Variants in DEGS2 observed in about 807,000 individuals in gnomAD.
The protein encoded by DEGS2 is delta 4-desaturase, sphingolipid 2.
Under a neutral mutation model 23.8 loss-of-function variants are expected in DEGS2, and 19 were observed. The ratio of observed to expected loss-of-function variants is 0.80; its 90% CI spans 0.56 to 1.17. The LOEUF is 1.17. DEGS2 is among the 50% of genes most tolerant of loss of function. DEGS2 has a pLI of 0.00. For missense variants in DEGS2, 390 were observed against 459.5 expected (o/e 0.85, Z 1.38); for synonymous variants, 218 against 213.7 (o/e 1.02, Z -0.18).
rs368503045 is a variant in DEGS2 at position 100,149,205 on chromosome 14, G to A, written c.588C>T (p.Ala196=). ...CCCAAAGGGCAAAGATGGCCAGGTC[G>A]GCCGCCAGCTGCACCAGCGTGTTGA... is the stretch of plus-strand genomic sequence containing the variant. ...EVLNTLVQLA[A]DLAIFALWGL... The change falls in exon 2 of 3, where the codon GCC becomes GCT. Residue 196 remains alanine, a synonymous_variant. Coordinates refer to ENST00000305631, the MANE Select transcript of DEGS2 (RefSeq NM_206918.3). The A allele has an allele frequency of 6.4e-5, 103 of 1,612,516 alleles. No homozygotes were observed. In the African/African-American group the frequency reaches 6.4e-4, roughly 10 times the overall value.
At position 100,149,564 on chromosome 14, in the gene DEGS2, C is replaced by T. The variant is rs773628522; in HGVS notation, c.229G>A (p.Gly77Ser). 3 of 1,608,110 alleles carry T rather than the reference C, an allele frequency of 1.9e-6. No individual in the cohort carries two copies. The highest frequency in any genetic ancestry group is 2.5e-6 in the Non-Finnish European group (3 of 1,178,626). Residue 77 changes from glycine to serine, a missense_variant, in exon 2 of 3, where the codon GGT becomes AGT. Physicochemically the swap from Gly to Ser is moderately conservative, Grantham distance 56. Coordinates refer to ENST00000305631, the MANE Select transcript of DEGS2 (RefSeq NM_206918.3). The stretch of plus-strand genomic sequence containing the variant: ...GTCAGCGAGTGGTTCACGCAGCCAC[C>T]AAAGGCGTAGGCCCAGAACAGCAGC... ...RWLLFWAYAF[G>S]GCVNHSLTLA...
At chr14:100,157,212 G>C (rs1452364599) in intron 1 of DEGS2, among the ~76,000 whole-genome samples, 4 of 152,248 alleles carry the variant, frequency 2.6e-5, no homozygotes, top group Non-Finnish European at 2.9e-5. Flanking sequence ...TGCAGATTGG[G>C]AAAGTGAGGC....
chr14:100,164,019 C>T (rs545533932), upstream of DEGS2, among the ~76,000 whole-genome samples: 1 of 152,244 alleles, frequency 6.6e-6, no homozygotes, highest in African/African-American at 2.4e-5. Context: ...AGTTTGAGAC[C>T]AGCCGGGACA....
intron 1 of DEGS2, among the ~76,000 whole-genome samples, chr14:100,152,431 G>A (rs1889587829): frequency 6.6e-6 from 1 of 152,218 alleles, no homozygotes; most frequent in Non-Finnish European, 1.5e-5. Context: ...CAGACTGGCA[G>A]AGGGTAAGTG....
Position 100,149,606 on chromosome 14 carries a change from CGCGCACCAGCCA to C in DEGS2, c.175_186del (p.Trp59_Arg62del), listed in dbSNP as rs1202836737. The C allele has an allele frequency of 6.2e-7, 1 of 1,610,638 alleles. No homozygotes were observed. The highest frequency in any genetic ancestry group is 8.5e-7 in the Non-Finnish European group (1 of 1,179,332). On this transcript the variant is annotated inframe_deletion, in exon 2 of 3. Transcript: ENST00000305631. ...AACAGCAGCCAGCGCCAGGCCAGCC[CGCGCACCAGCCA>C]GCAGGCCAGCATCTGCACCAGCACC...
the DEGS2 span, among the ~76,000 whole-genome samples, chr14:100,166,530 A>G: frequency 1.3e-5 from 2 of 152,096 alleles, no homozygotes; most frequent in Non-Finnish European, 2.9e-5. Context: ...GAGACCCCGG[A>G]GGAGGTCGCC....
Position 100,149,115 on chromosome 14 carries a change from C to T in DEGS2, c.678G>A (p.Ser226=), listed in dbSNP as rs529147392. 4.4e-5 allele frequency: 71 copies of T among 1,612,862 alleles called. 1 individual carries two copies. In the African/African-American group the frequency reaches 5.1e-4, roughly 12 times the overall value. ...SFLGLGLHPI[S]GHFVAEHYMF... ...TGTAGTGCTCGGCCACGAAGTGGCC[C>T]GAGATGGGGTGCAGGCCCAGGCCCA... Residue 226 remains serine (S), a synonymous_variant, in exon 2 of 3, where the codon TCG becomes TCA. Transcript: ENST00000305631.
chr14:100,149,111 G>T lies in DEGS2; in HGVS notation c.682C>A (p.His228Asn), dbSNP rs1366760673. ...AACATGTAGTGCTCGGCCACGAAGT[G>T]GCCCGAGATGGGGTGCAGGCCCAGG... ...LGLGLHPISG[H>N]FVAEHYMFLK... The change falls in exon 2 of 3, where the codon CAC becomes AAC. Residue 228 changes from histidine to asparagine, a missense_variant. Transcript: ENST00000305631. 1.2e-6 allele frequency: 2 copies of T among 1,613,002 alleles called. No homozygotes were observed. Among genetic ancestry groups the T allele is most frequent in the Non-Finnish European group, 1.7e-6 (2 of 1,180,004 alleles).
At chr14:100,149,816 G>T (rs1889535179) in intron 1 of DEGS2, 106 bp from the exon 2 acceptor site, 1 of 1,186,830 alleles carries the variant, frequency 8.4e-7, no homozygotes, top group Admixed American at 2.4e-5. Context: ...GGAGTGGCCA[G>T]CAAACCTCGC....
intron 1 of DEGS2, among the ~76,000 whole-genome samples, chr14:100,153,167 G>A (rs1237566704): frequency 6.6e-6 from 1 of 152,100 alleles, no homozygotes; most frequent in African/African-American, 2.4e-5. Flanking sequence ...GAGGTGGGAA[G>A]ATCGCTTGAG....
intron 1 of DEGS2, among the ~76,000 whole-genome samples, chr14:100,157,962 CT>C (rs1414908608): frequency 6.6e-6 from 1 of 151,706 alleles, no homozygotes; most frequent in Non-Finnish European, 1.5e-5. Flanking sequence ...TGGCGGGTGC[CT>C]GTAATCCCAG....
At chr14:100,148,709 T>C (rs548756700) in intron 2 of DEGS2, among the ~76,000 whole-genome samples, 36 of 152,386 alleles carry the variant, frequency 2.4e-4, no homozygotes, top group African/African-American at 8.4e-4. Flanking sequence ...GTCAGTATCA[T>C]GGCGGCATCA....
chr14:100,157,933 C>G (rs1984717), intron 1 of DEGS2, among the ~76,000 whole-genome samples: 62,049 of 151,256 alleles, frequency 0.41, 13,010 homozygotes, highest in South Asian at 0.55. Context: ...ACTACAAATA[C>G]AAAATTAGCC....
At chr14:100,159,480 C>T (rs1175917054) in intron 1 of DEGS2, 26 bp downstream of exon 1, 5 of 1,462,982 alleles carry the variant, frequency 3.4e-6, no homozygotes, top group Admixed American at 2.4e-5. Context: ...CGGTCCCCAC[C>T]GGGGTGGGCC....
chr14:100,157,190 G>A (rs561095609), intron 1 of DEGS2, among the ~76,000 whole-genome samples: 3 of 152,318 alleles, frequency 2.0e-5, no homozygotes, highest in South Asian at 2.1e-4. Context: ...CTGGTAGGAC[G>A]ACTGCCCGTT....
chr14:100,150,387 A>ACCCCCCCCCCCCCCCCCCCCCACCC (rs778863717), intron 1 of DEGS2, among the ~76,000 whole-genome samples: 1 of 92,274 alleles, frequency 1.1e-5, no homozygotes, highest in Non-Finnish European at 2.1e-5. Flanking sequence ...CCACCCCAAC[A>ACCCCCCCCCCCCCCCCCCCCCACCC]CCCCCCCCCG....
intron 1 of DEGS2, among the ~76,000 whole-genome samples, chr14:100,156,477 G>A (rs1355501723): frequency 1.3e-5 from 2 of 152,194 alleles, no homozygotes; most frequent in Non-Finnish European, 2.9e-5. Flanking sequence ...ATATCACCTC[G>A]TTTAATCTGC....
chr14:100,151,536 G>C (rs953751515), intron 1 of DEGS2, among the ~76,000 whole-genome samples: 1 of 152,222 alleles, frequency 6.6e-6, no homozygotes, highest in Admixed American at 6.5e-5. Context: ...AGCTGAACGA[G>C]CAGAGAATGG....
chr14:100,149,795 G>A (rs1889534830), intron 1 of DEGS2, 85 bp from the exon 2 acceptor site: 4 of 1,412,708 alleles, frequency 2.8e-6, no homozygotes, highest in Non-Finnish European at 3.9e-6. Context: ...TGGCCGAGGG[G>A]TGAGAAGGTG....
Sources: gnomAD v4.1 joint callset for allele counts (sites outside exome capture counted in the v4.1 genomes callset) on GRCh38, gnomAD v4.1.1 for gene constraint, MANE v1.5 for transcripts, NCBI Gene and HGNC (gene_info 2026-07-23, HGNC 2026-07-21) for gene names.